Variants in PCDHA12 observed in about 807,000 individuals in gnomAD.
PCDHA12 encodes the protein protocadherin alpha 12.
A neutral mutation model predicts 60.0 loss-of-function variants in PCDHA12; 44 were observed. The ratio of observed to expected loss-of-function variants is 0.73; its 90% CI spans 0.58 to 0.94. The LOEUF (loss-of-function observed/expected upper bound fraction) is 0.94, where lower values mean the gene tolerates loss of function less well. Ranked by LOEUF, PCDHA12 falls within the 40% of genes least tolerant of loss-of-function variation. PCDHA12 has a pLI of 0.00. For missense variants in PCDHA12, 1,276 were observed against 1,239.7 expected (o/e 1.03, Z -0.44); for synonymous variants, 569 against 553.0 (o/e 1.03, Z -0.40).
chr5:140,926,769 G>T lies in PCDHA12; in HGVS notation c.2367+48930G>T, dbSNP rs1584462454. 7.3e-6 allele frequency: 10 copies of T among 1,360,582 alleles called. No individual in the cohort carries two copies. In the East Asian group the frequency reaches 2.4e-4, roughly 33 times the overall value. 84.3% of individuals were successfully genotyped at this position (1,360,582 alleles called of 1,614,324 possible). On this transcript the variant is annotated intron_variant, in intron 1 of 3. Coordinates refer to ENST00000398631, the MANE Select transcript of PCDHA12 (RefSeq NM_018903.4). ...TCGGCGGTCGCTGAGTATCCAGCCCGCAGCAGTGACGGCCGGCAGGAGCGT... is the reference window on the plus strand; with the variant it reads ...TCGGCGGTCGCTGAGTATCCAGCCCTCAGCAGTGACGGCCGGCAGGAGCGT...
chr5:140,947,321 A>C (rs1365578593), intron 1 of PCDHA12, among the ~76,000 whole-genome samples: 5 of 151,748 alleles, frequency 3.3e-5, no homozygotes, highest in East Asian at 3.9e-4. Flanking sequence ...AAGTCGGTTG[A>C]CCATAAATGT....
At chr5:141,009,528 G>A in intron 3 of PCDHA12, 99 bp from the exon 4 acceptor site, 4 of 1,508,216 alleles carry the variant, frequency 2.7e-6, no homozygotes, top group Non-Finnish European at 3.5e-6. Flanking sequence ...TTCTGGGGAG[G>A]TTCAGCCTGC....
intron 1 of PCDHA12, among the ~76,000 whole-genome samples, chr5:140,890,244 C>T (rs1404459938): frequency 6.6e-6 from 1 of 152,052 alleles, no homozygotes; most frequent in Non-Finnish European, 1.5e-5. Flanking sequence ...TTTACCAGTA[C>T]ACTACTGCAC....
chr5:141,006,180 A>C (rs1554260594), intron 3 of PCDHA12, among the ~76,000 whole-genome samples: 5 of 150,546 alleles, frequency 3.3e-5, no homozygotes, highest in Non-Finnish European at 7.4e-5. Context: ...TTTTTAAAAG[A>C]GTTTGCTATA....
chr5:140,941,214 C>CTTTCTTTCTTTCTTT (rs1554214039), intron 1 of PCDHA12, among the ~76,000 whole-genome samples: 5,375 of 122,186 alleles, frequency 0.044, 196 homozygotes, highest in South Asian at 0.066. Flanking sequence ...TTTCTTTCTT[C>CTTTCTTTCTTTCTTT]CTTTCTTTCT....
At chr5:140,883,757 C>A (rs369534214) in intron 1 of PCDHA12, 175 of 1,612,790 alleles carry the variant, frequency 1.1e-4, no homozygotes, top group Non-Finnish European at 1.5e-4. Flanking sequence ...GCTGGTGGAG[C>A]GGCGGGTGGG....
chr5:140,877,504 A>G lies in PCDHA12; in HGVS notation c.2032A>G (p.Thr678Ala), dbSNP rs532509235. 6.2e-7 allele frequency: 1 copy of G among 1,613,764 alleles called. No homozygotes were observed. The highest frequency in any genetic ancestry group is 1.1e-5 in the South Asian group (1 of 91,082). Residue 678 changes from threonine (T) to alanine (A), a missense_variant, in exon 1 of 4, where the codon ACG (threonine) becomes GCG (alanine). By Grantham distance (58) the Thr-to-Ala change is moderately conservative. Transcript: ENST00000398631. ...SLVENGQAPK[T>A]SSRASVGAVD... ...GGTGGAGAACGGCCAGGCCCCAAAGACGTCGTCGCGGGCCTCAGTGGGCGC... is the reference window on the plus strand; with the variant it reads ...GGTGGAGAACGGCCAGGCCCCAAAGGCGTCGTCGCGGGCCTCAGTGGGCGC...
rs1554262420 is a variant in PCDHA12, at chr5:141,009,791, C to G, written c.2680C>G (p.Pro894Ala). ...TGCAATCATCTCCATCCGGCAGGAG[C>G]CTACTAACAGCCAAATTGACAAAAG... ...SPAIISIRQE[P>A]TNSQIDKSDF... The change falls in exon 4 of 4, where the codon CCT becomes GCT. Residue 894 changes from proline (P) to alanine (A), a missense_variant. Pro to Ala is a conservative substitution (Grantham distance 27). Transcript: ENST00000398631. 1 of 1,614,084 alleles carries G rather than the reference C, an allele frequency of 6.2e-7. No individual in the cohort carries two copies. Among genetic ancestry groups the G allele is most frequent in the Admixed American group, 1.7e-5 (1 of 60,016 alleles).
intron 1 of PCDHA12, among the ~76,000 whole-genome samples, chr5:140,950,852 A>G (rs1172997648): frequency 6.6e-6 from 1 of 151,856 alleles, no homozygotes; most frequent in Non-Finnish European, 1.5e-5. Flanking sequence ...CATTTCTTTC[A>G]TATTCTTGTA....
chr5:140,978,842 T>A, intron 1 of PCDHA12, 107 bp from the exon 2 acceptor site: 1 of 1,564,670 alleles, frequency 6.4e-7, no homozygotes, highest in East Asian at 2.3e-5. Flanking sequence ...TTCAATACTT[T>A]TTTAGATGCC....
At position 140,991,361 on chromosome 5, in the gene PCDHA12, G is replaced by A. The variant is rs1183124741; in HGVS notation, c.2515+8798G>A. On this transcript the variant is annotated intron_variant, in intron 3 of 3. Transcript: ENST00000398631. ...GGTAACTTGGAAAAGACTATTTACT[G>A]TCTGAGTTCTAGGCCAACTGTAGGG... Among the ~76,000 whole-genome samples, 3 of 152,200 alleles carry A rather than the reference G, an allele frequency of 2.0e-5. No individual in the cohort carries two copies. In the East Asian group the frequency reaches 5.8e-4, roughly 29 times the overall value.
At chr5:140,881,075 G>A (rs2058577107) in intron 1 of PCDHA12, among the ~76,000 whole-genome samples, 1 of 152,202 alleles carries the variant, frequency 6.6e-6, no homozygotes, top group African/African-American at 2.4e-5. Context: ...AATTATTGGA[G>A]CTATGATATA....
intron 1 of PCDHA12, among the ~76,000 whole-genome samples, chr5:140,924,043 G>C (rs2081638586): frequency 6.6e-6 from 1 of 152,176 alleles, no homozygotes; most frequent in Non-Finnish European, 1.5e-5. Flanking sequence ...AGACCTAAAA[G>C]TTCGGTACAT....
chr5:140,939,993 G>A (rs889924458), intron 1 of PCDHA12, among the ~76,000 whole-genome samples: 3 of 151,902 alleles, frequency 2.0e-5, no homozygotes, highest in African/African-American at 7.3e-5. Context: ...GTTTCTCCTT[G>A]GATTTTGTCA....
intron 1 of PCDHA12, chr5:140,928,140 G>C (rs200493520): frequency 2.5e-5 from 41 of 1,614,036 alleles, no homozygotes; most frequent in Non-Finnish European, 3.2e-5. Context: ...TCCTGATCAC[G>C]GCCTCAGATA....
At chr5:140,916,978 C>T (rs907014572) in intron 1 of PCDHA12, among the ~76,000 whole-genome samples, 13 of 152,270 alleles carry the variant, frequency 8.5e-5, no homozygotes, top group South Asian at 2.1e-4. Context: ...ATGAGTGATT[C>T]GCCTCTGGCC....
At chr5:141,000,395 CTA>C (rs1190667031) in intron 3 of PCDHA12, among the ~76,000 whole-genome samples, 91 of 53,954 alleles carry the variant, frequency 1.7e-3, no homozygotes, top group Admixed American at 3.8e-3. Flanking sequence ...CTCTCTCTCT[CTA>C]TATATATATA....
chr5:140,974,979 C>T (rs782292099), intron 1 of PCDHA12, among the ~76,000 whole-genome samples: 6 of 152,136 alleles, frequency 3.9e-5, no homozygotes, highest in African/African-American at 7.2e-5. Context: ...CTGAGTTGTC[C>T]GCTCAGGTAT....
intron 1 of PCDHA12, among the ~76,000 whole-genome samples, chr5:140,916,856 G>C (rs529499839): frequency 2.6e-5 from 4 of 152,254 alleles, no homozygotes; most frequent in South Asian, 2.1e-4. Flanking sequence ...CCAGCACTAG[G>C]AGTTACCTAG....
Sources: gnomAD v4.1 joint callset for allele counts (sites outside exome capture counted in the v4.1 genomes callset) on GRCh38, gnomAD v4.1.1 for gene constraint, MANE v1.5 for transcripts, NCBI Gene and HGNC (gene_info 2026-07-23, HGNC 2026-07-21) for gene names.